SMYD3: variants seen among roughly 807,000 people sequenced by gnomAD.
SMYD3 encodes the protein SET and MYND domain containing 3.
Under a neutral mutation model 57.7 loss-of-function variants are expected in SMYD3, and 36 were observed. The observed-to-expected ratio is 0.62, with a 90% CI of 0.48 to 0.82. The LOEUF (loss-of-function observed/expected upper bound fraction) is 0.82. Ranked by LOEUF, SMYD3 falls within the 40% of genes least tolerant of loss-of-function variation. The probability of loss-of-function intolerance (pLI) is 0.00; values close to 1 mark genes in which losing one functional copy is unlikely to be tolerated. For synonymous variants in SMYD3, 211 were observed against 195.0 expected, an observed-to-expected ratio of 1.08 and a Z score of -0.68; for missense variants, 515 against 538.8, an observed-to-expected ratio of 0.96 and a Z score of 0.44.
intron 5 of SMYD3, among the ~76,000 whole-genome samples, chr1:246,000,079 T>C (rs12120498): frequency 0.51 from 77,647 of 152,128 alleles, 23,755 homozygotes; most frequent in Middle Eastern, 0.7. Flanking sequence ...TCAGTAATGG[T>C]TGACTGAAGA....
chr1:246,350,514 C>T (rs1244628306), intron 2 of SMYD3, among the ~76,000 whole-genome samples: 1 of 152,174 alleles, frequency 6.6e-6, no homozygotes, highest in Admixed American at 6.5e-5. Flanking sequence ...ATCAGCACGA[C>T]ATGATGACTA....
chr1:245,950,247 C>G (rs1052882008), intron 5 of SMYD3, among the ~76,000 whole-genome samples: 2 of 152,108 alleles, frequency 1.3e-5, no homozygotes, highest in Non-Finnish European at 2.9e-5. Context: ...GATATTTCCT[C>G]TTGGTAATTT....
chr1:245,849,860 C>T (rs2050870512), intron 10 of SMYD3, among the ~76,000 whole-genome samples: 1 of 152,050 alleles, frequency 6.6e-6, no homozygotes. Context: ...ACCATGTTGC[C>T]CAGGCTGGTC....
intron 1 of SMYD3, among the ~76,000 whole-genome samples, chr1:246,371,633 A>C (rs368692992): frequency 2.3e-4 from 35 of 152,342 alleles, no homozygotes; most frequent in African/African-American, 8.2e-4. Context: ...AAGGTATAAC[A>C]ATATTTGATC....
At chr1:246,490,600 C>T (rs1373780404) in intron 1 of SMYD3, among the ~76,000 whole-genome samples, 1 of 152,210 alleles carries the variant, frequency 6.6e-6, no homozygotes, top group Non-Finnish European at 1.5e-5. Flanking sequence ...GGGCTGGACT[C>T]AATGGCTCAC....
chr1:246,506,983 C>A, intron 1 of SMYD3, 71 bp downstream of exon 1: 1 of 810,936 alleles, frequency 1.2e-6, no homozygotes, highest in South Asian at 2.0e-5. Flanking sequence ...CTGCCGGCCG[C>A]CCGACGCCCC....
chr1:246,077,266 T>C lies in SMYD3; in HGVS notation c.532-147329A>G, dbSNP rs528584461. Among the ~76,000 whole-genome samples, 75 of 152,312 alleles carry C rather than the reference T, an allele frequency of 4.9e-4. 1 individual carries two copies. Among genetic ancestry groups the C allele is most frequent in the Non-Finnish European group, 8.2e-4 (56 of 68,038 alleles). On this transcript the variant is annotated intron_variant, in intron 5 of 11. Transcript: ENST00000490107. ...TTAAATTGTGGAGTGACATTTTTCA[T>C]CATTTAACAATAAACAGCCTTTGGA...
intron 5 of SMYD3, among the ~76,000 whole-genome samples, chr1:245,931,604 T>C (rs1287636071): frequency 2.0e-5 from 3 of 152,052 alleles, no homozygotes; most frequent in African/African-American, 7.2e-5. Flanking sequence ...GATATAAATT[T>C]AGGATGAAAC....
chr1:246,243,895 T>G (rs987145832), intron 5 of SMYD3, among the ~76,000 whole-genome samples: 10 of 149,036 alleles, frequency 6.7e-5, no homozygotes, highest in Admixed American at 2.8e-4. Flanking sequence ...TTTTTCCTTA[T>G]TTTTAAAAAA....
intron 1 of SMYD3, among the ~76,000 whole-genome samples, chr1:246,374,076 T>C (rs963208642): frequency 3.3e-5 from 5 of 152,144 alleles, no homozygotes; most frequent in African/African-American, 1.2e-4. Flanking sequence ...GATTTGCTGA[T>C]GTAGCAAACA....
chr1:245,944,739 T>G lies in SMYD3; in HGVS notation c.532-14802A>C, dbSNP rs188052495. On this transcript the variant is annotated intron_variant, in intron 5 of 11. Transcript: ENST00000490107. ...GGCATCATGCTACCAAACTTAAAAC[T>G]ACACTACAAGGCTACTGTAACTAAA... Among the ~76,000 whole-genome samples the G allele has an allele frequency of 4.8e-3, 727 of 152,282 alleles. 3 individuals are homozygous for G. The highest frequency in any genetic ancestry group is 5.5e-3 in the Non-Finnish European group (371 of 68,024).
In SMYD3 at chr1:245,825,378, T is replaced by C. The variant is rs118101940; in HGVS notation, c.1076+33118A>G. 8.5e-5 allele frequency among the ~76,000 whole-genome samples: 13 copies of C among 152,340 alleles called. No homozygotes were observed. The East Asian group carries it at 1.9e-3, about 23-fold the overall frequency. On this transcript the variant is annotated intron_variant, in intron 10 of 11. Transcript: ENST00000490107. ...CCTGAGTCTCATATCTAGAGGAAAC[T>C]ACTACGGGGGAAGTTACTGGGATGA...
chr1:246,314,340 T>G (rs982241776), intron 5 of SMYD3, among the ~76,000 whole-genome samples: 4 of 152,072 alleles, frequency 2.6e-5, no homozygotes, highest in Non-Finnish European at 4.4e-5. Context: ...TGCAGTATGG[T>G]GGAATGCAGA....
intron 1 of SMYD3, among the ~76,000 whole-genome samples, chr1:246,430,249 G>A (rs1393395232): frequency 1.3e-5 from 2 of 152,208 alleles, no homozygotes; most frequent in Admixed American, 1.3e-4. Flanking sequence ...AAATACAGGG[G>A]CTCAGAAAAA....
intron 5 of SMYD3, among the ~76,000 whole-genome samples, chr1:246,299,280 A>G (rs2064851545): frequency 6.6e-6 from 1 of 152,230 alleles, no homozygotes; most frequent in Non-Finnish European, 1.5e-5. Flanking sequence ...AATGCAAAGC[A>G]AAACCACAAA....
chr1:246,394,836 CT>C (rs1047891574), intron 1 of SMYD3, among the ~76,000 whole-genome samples: 2 of 152,010 alleles, frequency 1.3e-5, no homozygotes, highest in African/African-American at 4.8e-5. Flanking sequence ...CTCAGCTACT[CT>C]TTATTATATG....
At chr1:246,081,376 T>G (rs905609190) in intron 5 of SMYD3, among the ~76,000 whole-genome samples, 2 of 152,156 alleles carry the variant, frequency 1.3e-5, no homozygotes, top group African/African-American at 2.4e-5. Flanking sequence ...TTTTTGTTGT[T>G]GTTTGTTTCT....
chr1:245,770,346 G>T (rs2046286471), intron 10 of SMYD3, among the ~76,000 whole-genome samples: 1 of 152,124 alleles, frequency 6.6e-6, no homozygotes, highest in Admixed American at 6.5e-5. Context: ...GGAATTCAGG[G>T]ATCAACAATG....
At chr1:246,127,552 A>C (rs2061527137) in intron 5 of SMYD3, among the ~76,000 whole-genome samples, 2 of 152,168 alleles carry the variant, frequency 1.3e-5, no homozygotes, top group South Asian at 4.1e-4. Context: ...AAAAGAACTA[A>C]TTTCCTTACT....
Sources: allele counts gnomAD v4.1 joint callset (sites outside exome capture counted in the v4.1 genomes callset), GRCh38; gene constraint gnomAD v4.1.1; transcripts MANE v1.5; gene names NCBI Gene and HGNC (gene_info 2026-07-23, HGNC 2026-07-21).